The following MICU2 variants were observed in gnomAD, a reference collection of about 807,000 sequenced individuals.
MICU2 encodes calcium uptake protein 2, mitochondrial.
MICU2 carries 64 observed loss-of-function variants against 60.4 expected under a neutral mutation model. The ratio of observed to expected loss-of-function variants is 1.06; its 90% CI spans 0.87 to 1.31. The LOEUF is 1.31. MICU2 is among the 50% of genes most tolerant of loss of function. MICU2 has a pLI of 0.00. For synonymous variants in MICU2, 201 were observed against 175.0 expected (o/e 1.15, Z -1.17); for missense variants, 569 against 531.0 (o/e 1.07, Z -0.70).
chr13:21,540,567 G>C (rs1887256843), intron 2 of MICU2, among the ~76,000 whole-genome samples: 1 of 152,098 alleles, frequency 6.6e-6, no homozygotes, highest in Admixed American at 6.5e-5. Context: ...AAATCTACAA[G>C]GGCAAATTCT....
In MICU2 at chr13:21,495,291, G is replaced by A. The variant is rs1885966362; in HGVS notation, c.1070C>T (p.Ala357Val). The A allele has an allele frequency of 6.2e-7, 1 of 1,608,022 alleles. No individual in the cohort carries two copies. Among genetic ancestry groups the A allele is most frequent in the South Asian group, 1.1e-5 (1 of 89,980 alleles). ...ATTGTTTGAGAGTTCTTGTCCTGTT[G>A]CTACTTTCACAGCTCTCTTAAACTC... is the stretch of plus-strand genomic sequence containing the variant. ...LAEFKRAVKV[A>V]TGQELSNNIL... is the part of the protein sequence containing the mutation. The change falls in exon 11 of 12, where the codon GCA becomes GTA. Residue 357 changes from alanine to valine, a missense_variant. Ala to Val is a moderately conservative substitution (Grantham distance 64). Transcript: ENST00000382374.
chr13:21,509,565 C>T (rs1222238258), intron 8 of MICU2, among the ~76,000 whole-genome samples: 1 of 152,058 alleles, frequency 6.6e-6, no homozygotes, highest in Non-Finnish European at 1.5e-5. Flanking sequence ...CCAGCAAACC[C>T]ATCAGCAGAC....
chr13:21,591,633 C>G (rs1888586650), intron 1 of MICU2, among the ~76,000 whole-genome samples: 1 of 152,160 alleles, frequency 6.6e-6, no homozygotes, highest in African/African-American at 2.4e-5. Flanking sequence ...GGAAGTAAAA[C>G]ACTCCTCAGG....
Position 21,493,251 on chromosome 13 carries a change from A to G in MICU2, c.1303T>C (p.Ter435GlnextTer1). Residue 435 changes from the stop codon to glutamine (Q), a stop_lost, in exon 12 of 12, where the codon TAA becomes CAA. Coordinates refer to ENST00000382374, the MANE Select transcript of MICU2 (RefSeq NM_152726.3). ...TTGCCATACTATTATATCTTTTATT[A>G]AAAAAGACCTTTTCCAGCTTGTTTC... ...VWKQAGKGLF[*>Q] The G allele has an allele frequency of 3.8e-6, 6 of 1,592,798 alleles. No individual in the cohort carries two copies. Among genetic ancestry groups the G allele is most frequent in the Non-Finnish European group, 5.1e-6 (6 of 1,170,458 alleles).
At position 21,539,640 on chromosome 13, in the gene MICU2, C is replaced by T. The variant is rs201089587; in HGVS notation, c.390+17G>A. The T allele has an allele frequency of 1.2e-5, 20 of 1,613,978 alleles. No homozygotes were observed. Among genetic ancestry groups the T allele is most frequent in the Middle Eastern group, 3.3e-4 (2 of 6,084 alleles). ...CTTACCAAAAACAAACCCTGCCCCC[C>T]ACAACATGATGCTTACCTTTTTTGT... is the stretch of plus-strand genomic sequence containing the variant. On this transcript the variant is annotated intron_variant, in intron 3 of 11. Coordinates refer to ENST00000382374, the MANE Select transcript of MICU2 (RefSeq NM_152726.3).
chr13:21,551,125 G>A (rs1371227370), intron 2 of MICU2, among the ~76,000 whole-genome samples: 1 of 152,104 alleles, frequency 6.6e-6, no homozygotes. Context: ...CTGTTCCCTT[G>A]TGTACACACT....
rs985807467 is a variant in MICU2, at chr13:21,518,019, A to G, written c.597+3226T>C. 5.3e-5 allele frequency among the ~76,000 whole-genome samples: 8 copies of G among 152,246 alleles called. 1 individual carries two copies. The highest frequency in any genetic ancestry group is 1.0e-4 in the Non-Finnish European group (7 of 68,014). The stretch of plus-strand genomic sequence containing the variant: ...ACCTTCTTTCATGTTTACAAAAGTG[A>G]CCTTTATATACTTAAAAACAAAATC... On this transcript the variant is annotated intron_variant, in intron 6 of 11. Transcript: ENST00000382374.
intron 9 of MICU2, among the ~76,000 whole-genome samples, chr13:21,499,139 C>T (rs1419569984): frequency 1.3e-5 from 2 of 151,294 alleles, no homozygotes; most frequent in African/African-American, 2.4e-5. Context: ...TTAGAAGAGA[C>T]GGGGTTTCAC....
intron 2 of MICU2, among the ~76,000 whole-genome samples, chr13:21,556,193 C>A (rs1887704642): frequency 6.6e-6 from 1 of 152,170 alleles, no homozygotes; most frequent in Admixed American, 6.6e-5. Context: ...ATAAAGGTCA[C>A]CAATAACCCT....
In MICU2 at chr13:21,502,797, A is replaced by G; in HGVS notation, c.933+129T>C. 3 of 821,042 alleles carry G rather than the reference A, an allele frequency of 3.7e-6. No individual in the cohort carries two copies. In the South Asian group the frequency reaches 5.1e-5, roughly 14 times the overall value. The allele number at this position is 821,042 out of a possible 1,614,324, so 50.9% of individuals were successfully genotyped here. On this transcript the variant is annotated intron_variant, in intron 9 of 11. Coordinates refer to ENST00000382374, the MANE Select transcript of MICU2 (RefSeq NM_152726.3). ...TACAGGAGAAGAGCATGTAGAGAAC[A>G]TTCCTCAAGTTGATTTTATATACCA...
chr13:21,554,123 C>T (rs1209623699), intron 2 of MICU2, among the ~76,000 whole-genome samples: 31 of 152,212 alleles, frequency 2.0e-4, no homozygotes, highest in East Asian at 3.9e-4. Context: ...GACAGATCAA[C>T]GAGACAGAAA....
At chr13:21,530,908 G>C (rs1886980012) in intron 4 of MICU2, 1 of 758,996 alleles carries the variant, frequency 1.3e-6, no homozygotes, top group East Asian at 2.5e-5. Context: ...GGCTGATATA[G>C]ATCTAGTGCT....
chr13:21,600,133 GA>G (rs1281761362), intron 1 of MICU2, among the ~76,000 whole-genome samples: 1 of 152,160 alleles, frequency 6.6e-6, no homozygotes, highest in East Asian at 1.9e-4. Flanking sequence ...TGAGGGTTAA[GA>G]AATCCTGCAA....
chr13:21,517,913 G>GT (rs552216574), intron 6 of MICU2, among the ~76,000 whole-genome samples: 19 of 151,510 alleles, frequency 1.3e-4, no homozygotes, highest in South Asian at 2.1e-4. Context: ...CTTCAATGCT[G>GT]TTTTTTTTTA....
In MICU2 at chr13:21,603,861, G is replaced by A. The variant is rs1473131144; in HGVS notation, c.210+78C>T. Reference sequence around the variant, plus strand: ...CACGGCTCCGGGAGAGCCGCCCAGAGCCAAACCACTCCCCGCCTAAGGGCG... The same window carrying A: ...CACGGCTCCGGGAGAGCCGCCCAGAACCAAACCACTCCCCGCCTAAGGGCG... On this transcript the variant is annotated intron_variant, in intron 1 of 11. Transcript: ENST00000382374. The A allele has an allele frequency of 5.3e-6, 8 of 1,522,130 alleles. No homozygotes were observed. In the African/African-American group the frequency reaches 8.4e-5, roughly 16 times the overall value. 94.3% of individuals were successfully genotyped at this position (1,522,130 alleles called of 1,614,324 possible).
rs1241499512 is a variant in MICU2 at position 21,591,822 on chromosome 13, C to A, written c.210+12117G>T. Among the ~76,000 whole-genome samples, 3 of 151,858 alleles carry A rather than the reference C, an allele frequency of 2.0e-5. No individual in the cohort carries two copies. In the East Asian group the frequency reaches 5.8e-4, roughly 29 times the overall value. On this transcript the variant is annotated intron_variant, in intron 1 of 11. Coordinates refer to ENST00000382374, the MANE Select transcript of MICU2 (RefSeq NM_152726.3). Reference sequence around the variant, plus strand: ...GAGAAATCAACAAGTTCTTTGAAACCAATGAGAACAAAGAGATATCTCTGG... The same window carrying A: ...GAGAAATCAACAAGTTCTTTGAAACAAATGAGAACAAAGAGATATCTCTGG...
At chr13:21,528,058 T>A (rs1886899297) in intron 4 of MICU2, among the ~76,000 whole-genome samples, 1 of 152,224 alleles carries the variant, frequency 6.6e-6, no homozygotes, top group South Asian at 2.1e-4. Context: ...ATCTCATAAT[T>A]TATATTCAGT....
intron 6 of MICU2, among the ~76,000 whole-genome samples, chr13:21,516,936 C>T (rs1489202680): frequency 6.6e-6 from 1 of 152,210 alleles, no homozygotes; most frequent in East Asian, 1.9e-4. Context: ...CATTAATCTA[C>T]TGTTTAGAGA....
chr13:21,497,072 T>TAACAAACA (rs558636991), intron 9 of MICU2, among the ~76,000 whole-genome samples: 1 of 134,442 alleles, frequency 7.4e-6, no homozygotes, highest in Non-Finnish European at 1.6e-5. Context: ...AAAAAATACA[T>TAACAAACA]AACAAACAAA....
Sources: allele counts gnomAD v4.1 joint callset (sites outside exome capture counted in the v4.1 genomes callset), GRCh38; gene constraint gnomAD v4.1.1; transcripts MANE v1.5; gene names NCBI Gene and HGNC (gene_info 2026-07-23, HGNC 2026-07-21).